Variants in GABBR2 observed in about 807,000 individuals in gnomAD.
GABBR2 encodes G-protein coupled receptor 51.
A neutral mutation model predicts 105.6 loss-of-function variants in GABBR2; 23 were observed. The observed-to-expected ratio is 0.22, with a 90% CI of 0.16 to 0.31. The LOEUF (loss-of-function observed/expected upper bound fraction) is 0.31, where lower values mean the gene tolerates loss of function less well. Ranked by LOEUF, GABBR2 falls within the 10% of genes least tolerant of loss-of-function variation. The probability of loss-of-function intolerance (pLI) is 1.00; values close to 1 mark genes in which losing one functional copy is unlikely to be tolerated. For synonymous variants in GABBR2, 478 were observed against 499.7 expected (o/e 0.96, Z 0.58); for missense variants, 734 against 1,245.5 (o/e 0.59, Z 6.18).
intron 4 of GABBR2, among the ~76,000 whole-genome samples, chr9:98,485,695 C>T (rs944678415): frequency 6.6e-6 from 1 of 152,190 alleles, no homozygotes; most frequent in East Asian, 1.9e-4. Context: ...GGGAGGTGGG[C>T]GCTGTTATTA....
At position 98,300,104 on chromosome 9, in the gene GABBR2, T is replaced by A. The variant is rs149432886; in HGVS notation, c.2413-751A>T. Among the ~76,000 whole-genome samples, 39 of 151,582 alleles carry A rather than the reference T, an allele frequency of 2.6e-4. No individual in the cohort carries two copies. In the East Asian group the frequency reaches 7.4e-3, roughly 29 times the overall value. On this transcript the variant is annotated intron_variant, in intron 16 of 18. Coordinates refer to ENST00000259455, the MANE Select transcript of GABBR2 (RefSeq NM_005458.8). ...GTCTTGAACTCCTGAGCTCAAGCAATCCTCCCACTTTGGCCTCCCAAAGTG... is the reference window on the plus strand; with the variant it reads ...GTCTTGAACTCCTGAGCTCAAGCAAACCTCCCACTTTGGCCTCCCAAAGTG...
intron 7 of GABBR2, among the ~76,000 whole-genome samples, chr9:98,407,902 A>G (rs781584489): frequency 3.9e-5 from 6 of 152,140 alleles, no homozygotes; most frequent in Non-Finnish European, 7.4e-5. Flanking sequence ...ACTATTTTGT[A>G]CTAACAGGAA....
chr9:98,575,341 T>A (rs1264415327), intron 2 of GABBR2, among the ~76,000 whole-genome samples: 1 of 151,778 alleles, frequency 6.6e-6, no homozygotes, highest in Non-Finnish European at 1.5e-5. Context: ...GTAGGAACAG[T>A]GTAAGAAAAG....
chr9:98,672,834 G>A (rs577074334), intron 1 of GABBR2, among the ~76,000 whole-genome samples: 2 of 152,224 alleles, frequency 1.3e-5, no homozygotes, highest in South Asian at 2.1e-4. Flanking sequence ...AGTTGGTCAC[G>A]GCCACCTCCC....
chr9:98,536,450 A>T (rs1348715177), intron 3 of GABBR2, among the ~76,000 whole-genome samples: 1 of 152,180 alleles, frequency 6.6e-6, no homozygotes, highest in African/African-American at 2.4e-5. Flanking sequence ...ATGGTTGGGT[A>T]GACCATAAGA....
intron 4 of GABBR2, among the ~76,000 whole-genome samples, chr9:98,484,383 G>A (rs1387864362): frequency 6.6e-6 from 1 of 152,160 alleles, no homozygotes. Context: ...CTCTCACTTT[G>A]GTTCTCCTTG....
intron 1 of GABBR2, among the ~76,000 whole-genome samples, chr9:98,585,221 G>A (rs967950203): frequency 2.6e-5 from 4 of 152,032 alleles, no homozygotes; most frequent in Non-Finnish European, 5.9e-5. Flanking sequence ...TTCACAATTA[G>A]CAAAGACTTG....
In GABBR2 at chr9:98,436,315, A is replaced by ATATATATATAT. The variant is rs59876797; in HGVS notation, c.1236+17665_1236+17666insATATATATATA. On this transcript the variant is annotated intron_variant, in intron 7 of 18. Transcript: ENST00000259455. ...TATATATATATATACCCATAAATAT[A>ATATATATATAT]CCATATATATATATATACACACACA... 6.8e-4 allele frequency among the ~76,000 whole-genome samples: 59 copies of ATATATATATAT among 86,996 alleles called. 2 individuals are homozygous for ATATATATATAT. Among genetic ancestry groups the ATATATATATAT allele is most frequent in the East Asian group, 2.5e-3 (4 of 1,624 alleles). The allele number at this position is 86,996 out of a possible 152,430, so 57.1% of individuals were successfully genotyped here.
Position 98,306,511 on chromosome 9 carries a change from C to T in GABBR2, c.2005-166G>A. 1 of 635,244 alleles carries T rather than the reference C, an allele frequency of 1.6e-6. No homozygotes were observed. The highest frequency in any genetic ancestry group is 2.8e-6 in the Non-Finnish European group (1 of 351,526). The allele number at this position is 635,244 out of a possible 1,614,324, so 39.4% of individuals were successfully genotyped here. A position where few individuals can be genotyped will look rare whatever the true frequency, so the allele number is the denominator to read the frequency against. On this transcript the variant is annotated intron_variant, in intron 14 of 18. Coordinates refer to ENST00000259455, the MANE Select transcript of GABBR2 (RefSeq NM_005458.8). The surrounding 1 kb of genome is among the most constrained non-coding windows in gnomAD (Gnocchi z 5.4). ...GGTCTTCTGGATGTCACCATCTGTC[C>T]CCACTTGTGGCCCTGCTGAGTCCTG...
chr9:98,537,101 A>G (rs1243298419), intron 3 of GABBR2, among the ~76,000 whole-genome samples: 1 of 152,190 alleles, frequency 6.6e-6, no homozygotes, highest in Non-Finnish European at 1.5e-5. Flanking sequence ...GAGCTTGGAC[A>G]GGCTCCAACA....
Position 98,299,649 on chromosome 9 carries a change from G to A in GABBR2, c.2413-296C>T, listed in dbSNP as rs550247829. ...GGGAGGAAGGGCAGGGAGAGCATAC[G>A]AGCTAAGGCTCTGGACAGGACTTAT... On this transcript the variant is annotated intron_variant, in intron 16 of 18. Transcript: ENST00000259455. 5.9e-5 allele frequency among the ~76,000 whole-genome samples: 9 copies of A among 152,180 alleles called. No individual in the cohort carries two copies. In the South Asian group the frequency reaches 1.0e-3, roughly 18 times the overall value.
intron 1 of GABBR2, among the ~76,000 whole-genome samples, chr9:98,691,666 C>T (rs337536): frequency 0.91 from 139,220 of 152,246 alleles, 63,801 homozygotes; most frequent in Middle Eastern, 0.96. Context: ...GTGTCTCTTG[C>T]GGTCAGTCAC....
intron 2 of GABBR2, among the ~76,000 whole-genome samples, chr9:98,568,562 G>A (rs1244098088): frequency 6.6e-6 from 1 of 152,154 alleles, no homozygotes; most frequent in Non-Finnish European, 1.5e-5. Flanking sequence ...CTGGGTGCTG[G>A]AGCTGGGAGA....
At chr9:98,576,226 A>C (rs935945412) in intron 2 of GABBR2, among the ~76,000 whole-genome samples, 4 of 152,042 alleles carry the variant, frequency 2.6e-5, no homozygotes, top group African/African-American at 4.8e-5. Flanking sequence ...GCTCCTGCTC[A>C]CCCTGTCACT....
chr9:98,617,181 GC>G (rs1461818416), intron 1 of GABBR2, among the ~76,000 whole-genome samples: 1 of 152,168 alleles, frequency 6.6e-6, no homozygotes, highest in Non-Finnish European at 1.5e-5. Flanking sequence ...TGTCAGATGT[GC>G]GTGTGAATGG....
chr9:98,414,339 G>T (rs550790484), intron 7 of GABBR2, among the ~76,000 whole-genome samples: 1 of 152,318 alleles, frequency 6.6e-6, no homozygotes, highest in African/African-American at 2.4e-5. Context: ...AAGTGCAAAG[G>T]TCCTGAGGCA....
chr9:98,614,599 T>TTA (rs1829552656), intron 1 of GABBR2, among the ~76,000 whole-genome samples: 1 of 152,190 alleles, frequency 6.6e-6, no homozygotes, highest in Non-Finnish European at 1.5e-5. Context: ...TTATAGAATG[T>TTA]TATATATAGT....
At chr9:98,405,902 G>GA (rs56372328) in intron 8 of GABBR2, among the ~76,000 whole-genome samples, 179 bp downstream of exon 8, 2 of 152,006 alleles carry the variant, frequency 1.3e-5, no homozygotes, top group East Asian at 1.9e-4. Context: ...ATGCGGCTGA[G>GA]AAAAAAATAT....
chr9:98,527,896 C>G (rs192327574), intron 3 of GABBR2, among the ~76,000 whole-genome samples: 11 of 152,282 alleles, frequency 7.2e-5, no homozygotes, highest in Non-Finnish European at 1.5e-4. Flanking sequence ...GGTACCCATT[C>G]CAGCATAGAC....
Sources: gnomAD v4.1 joint callset for allele counts (sites outside exome capture counted in the v4.1 genomes callset) on GRCh38, gnomAD v4.1.1 for gene constraint, Gnocchi (gnomAD v3.1) non-coding constraint, MANE v1.5 for transcripts, NCBI Gene and HGNC (gene_info 2026-07-23, HGNC 2026-07-21) for gene names.